KLHL1: variants seen among roughly 807,000 people sequenced by gnomAD.
The protein encoded by KLHL1 is kelch like family member 1.
Under a neutral mutation model 77.7 loss-of-function variants are expected in KLHL1, and 47 were observed. That is an observed-to-expected ratio of 0.60 (90% confidence interval 0.48 to 0.77). KLHL1 has a LOEUF of 0.77. Ranked by LOEUF, KLHL1 falls within the 30% of genes least tolerant of loss-of-function variation. The pLI is 0.00. For missense variants in KLHL1, 925 were observed against 910.8 expected (o/e 1.02, Z -0.20); for synonymous variants, 360 against 325.2 (o/e 1.11, Z -1.15).
At chr13:69,702,144 C>T (rs1332999346) in intron 10 of KLHL1, among the ~76,000 whole-genome samples, 1 of 151,664 alleles carries the variant, frequency 6.6e-6, no homozygotes, top group African/African-American at 2.4e-5. Flanking sequence ...ATTACACTTA[C>T]TGCAATGATT....
chr13:70,068,414 T>G (rs1473956896), intron 1 of KLHL1, among the ~76,000 whole-genome samples: 2 of 152,220 alleles, frequency 1.3e-5, no homozygotes, highest in East Asian at 3.8e-4. Context: ...TGACACTGAT[T>G]AATGAATTAT....
intron 6 of KLHL1, among the ~76,000 whole-genome samples, chr13:69,810,948 C>A (rs1877852877): frequency 1.3e-5 from 2 of 151,452 alleles, no homozygotes; most frequent in Admixed American, 6.6e-5. Flanking sequence ...CCAGAACAGA[C>A]TAATAAGTAA....
intron 7 of KLHL1, among the ~76,000 whole-genome samples, chr13:69,780,685 CATATAT>C (rs1211073965): frequency 7.1e-5 from 2 of 28,122 alleles, no homozygotes; most frequent in East Asian, 1.8e-3. Flanking sequence ...TCTCTTTCTT[CATATAT>C]ATATATATAT....
At chr13:69,808,176 G>A (rs1877699052) in intron 6 of KLHL1, among the ~76,000 whole-genome samples, 1 of 152,078 alleles carries the variant, frequency 6.6e-6, no homozygotes, top group East Asian at 1.9e-4. Context: ...ACTCAGCAGT[G>A]GCTCTTCCCA....
intron 1 of KLHL1, among the ~76,000 whole-genome samples, chr13:69,997,934 C>T (rs1376266670): frequency 6.6e-6 from 1 of 151,654 alleles, no homozygotes; most frequent in Non-Finnish European, 1.5e-5. Flanking sequence ...CGTGTCTCTT[C>T]GAGATCCTGA....
At chr13:69,802,436 C>G (rs912505852) in intron 6 of KLHL1, among the ~76,000 whole-genome samples, 1 of 151,792 alleles carries the variant, frequency 6.6e-6, no homozygotes, top group Non-Finnish European at 1.5e-5. Context: ...AGGGAGGAGA[C>G]CATCCCTCAT....
At chr13:69,786,232 G>A (rs1876538307) in intron 7 of KLHL1, among the ~76,000 whole-genome samples, 1 of 152,268 alleles carries the variant, frequency 6.6e-6, no homozygotes, top group South Asian at 2.1e-4. Flanking sequence ...CAATATCCTT[G>A]ATGAACATTG....
intron 1 of KLHL1, among the ~76,000 whole-genome samples, chr13:69,983,604 G>GA (rs1187121968): frequency 5.9e-3 from 687 of 116,344 alleles, no homozygotes; most frequent in African/African-American, 0.017. Context: ...AGAAGAAGAA[G>GA]AGAAAAAAAA....
chr13:69,892,947 T>C (rs542429881), intron 4 of KLHL1, among the ~76,000 whole-genome samples: 54 of 152,360 alleles, frequency 3.5e-4, no homozygotes, highest in Middle Eastern at 3.4e-3. Flanking sequence ...TATTGCTTAA[T>C]AAAGGATTTA....
At chr13:70,033,526 C>T (rs1223515848) in intron 1 of KLHL1, among the ~76,000 whole-genome samples, 1 of 148,502 alleles carries the variant, frequency 6.7e-6, no homozygotes, top group Non-Finnish European at 1.5e-5. Context: ...CCAGGATGGT[C>T]TCAATCTCCG....
chr13:70,000,927 GA>G (rs35527264), intron 1 of KLHL1, among the ~76,000 whole-genome samples: 3 of 144,774 alleles, frequency 2.1e-5, no homozygotes, highest in Non-Finnish European at 4.6e-5. Flanking sequence ...ATAACTTACA[GA>G]AAAAAAAACA....
chr13:69,867,114 G>A (rs1880395218), intron 5 of KLHL1, among the ~76,000 whole-genome samples: 1 of 151,988 alleles, frequency 6.6e-6, no homozygotes, highest in Non-Finnish European at 1.5e-5. Context: ...AGCCTCAGAA[G>A]CATTATTTGA....
At chr13:70,012,628 A>G (rs1885562200) in intron 1 of KLHL1, among the ~76,000 whole-genome samples, 2 of 152,096 alleles carry the variant, frequency 1.3e-5, no homozygotes, top group Non-Finnish European at 2.9e-5. Flanking sequence ...TCAAACTCTA[A>G]GGCCAGGCAC....
intron 1 of KLHL1, among the ~76,000 whole-genome samples, chr13:70,030,608 AT>A (rs1555291980): frequency 1.5e-4 from 23 of 152,128 alleles, no homozygotes. Flanking sequence ...GTAGAGGGAA[AT>A]TTATAGCACT....
chr13:69,724,010 G>C (rs1873187487), intron 8 of KLHL1, among the ~76,000 whole-genome samples: 1 of 151,722 alleles, frequency 6.6e-6, no homozygotes, highest in African/African-American at 2.4e-5. Context: ...GATAATTTTT[G>C]TATTTTTAGT....
intron 8 of KLHL1, among the ~76,000 whole-genome samples, chr13:69,732,313 C>T (rs999489290): frequency 5.3e-5 from 8 of 152,032 alleles, no homozygotes; most frequent in African/African-American, 1.2e-4. Context: ...ATTAAACAAA[C>T]GAGTCTCAAT....
chr13:69,953,471 T>G (rs908766736), intron 3 of KLHL1, among the ~76,000 whole-genome samples: 1 of 151,082 alleles, frequency 6.6e-6, no homozygotes, highest in African/African-American at 2.4e-5. Flanking sequence ...AAAATGTCCA[T>G]GGAAAAATTA....
chr13:69,731,003 TAA>T (rs1372398913), intron 8 of KLHL1, among the ~76,000 whole-genome samples: 5 of 152,048 alleles, frequency 3.3e-5, no homozygotes, highest in African/African-American at 9.7e-5. Context: ...ACTTCCAAAT[TAA>T]GTGTCTTTAA....
intron 5 of KLHL1, among the ~76,000 whole-genome samples, chr13:69,874,713 A>G (rs1365495013): frequency 6.6e-6 from 1 of 152,100 alleles, no homozygotes; most frequent in Non-Finnish European, 1.5e-5. Context: ...AATATTCTGT[A>G]GTATGTAAAG....
Sources: allele counts gnomAD v4.1 joint callset (sites outside exome capture counted in the v4.1 genomes callset), GRCh38; gene constraint gnomAD v4.1.1; transcripts MANE v1.5; gene names NCBI Gene and HGNC (gene_info 2026-07-23, HGNC 2026-07-21).